Variants in NEURL1 observed in about 807,000 individuals in gnomAD.
The protein encoded by NEURL1 is E3 ubiquitin-protein ligase NEURL1.
In NEURL1, 26 loss-of-function variants were observed where a neutral mutation model predicts 41.2. The observed-to-expected ratio is 0.63, with a 90% CI of 0.46 to 0.87. The LOEUF is 0.87. NEURL1 is among the 40% of genes least tolerant of loss of function. NEURL1 has a pLI of 0.00. For missense variants in NEURL1, 761 were observed against 871.1 expected (o/e 0.87, Z 1.59); for synonymous variants, 400 against 402.3 (o/e 0.99, Z 0.07).
intron 1 of NEURL1, among the ~76,000 whole-genome samples, chr10:103,523,318 G>T (rs143514936): frequency 0.013 from 1,962 of 151,984 alleles, 34 homozygotes; most frequent in African/African-American, 0.044. Context: ...TTGCCAGGAA[G>T]GTTGGCACAT....
intron 1 of NEURL1, among the ~76,000 whole-genome samples, chr10:103,527,640 G>C (rs558873450): frequency 6.6e-6 from 1 of 152,184 alleles, no homozygotes; most frequent in South Asian, 2.1e-4. Context: ...CTTGTATCTT[G>C]TGATTCCCTA....
At chr10:103,522,242 G>A (rs532518575) in intron 1 of NEURL1, among the ~76,000 whole-genome samples, 30 of 152,114 alleles carry the variant, frequency 2.0e-4, no homozygotes, top group Admixed American at 7.2e-4. Context: ...ATGATGGCTT[G>A]GCTTGGGCTC....
In NEURL1 at chr10:103,505,892, G is replaced by A. The variant is rs141863252; in HGVS notation, c.85+11420G>A. Among the ~76,000 whole-genome samples the A allele has an allele frequency of 1.3e-3, 200 of 152,344 alleles. 1 individual carries two copies. Among genetic ancestry groups the A allele is most frequent in the African/African-American group, 4.7e-3 (194 of 41,572 alleles). ...TAAGTAGCTGCTTCCTTGCCTCTCA[G>A]AGGTGTCCCACCCGCTTCTCACTCA... is the stretch of plus-strand genomic sequence containing the variant. On this transcript the variant is annotated intron_variant, in intron 1 of 5. Coordinates refer to ENST00000369780, the MANE Select transcript of NEURL1 (RefSeq NM_004210.5).
At chr10:103,533,726 CG>C (rs1453402293) in intron 1 of NEURL1, among the ~76,000 whole-genome samples, 2 of 152,130 alleles carry the variant, frequency 1.3e-5, no homozygotes, top group Non-Finnish European at 2.9e-5. Flanking sequence ...TTAGTAGAGA[CG>C]GGGTTTCACC....
chr10:103,529,173 T>C (rs1464697600), intron 1 of NEURL1, among the ~76,000 whole-genome samples: 2 of 152,256 alleles, frequency 1.3e-5, no homozygotes, highest in Admixed American at 6.5e-5. Context: ...AAATAAGCTT[T>C]AGTCTTATTA....
At chr10:103,506,739 T>C (rs1245466464) in intron 1 of NEURL1, among the ~76,000 whole-genome samples, 3 of 152,166 alleles carry the variant, frequency 2.0e-5, no homozygotes, top group African/African-American at 7.2e-5. Flanking sequence ...TTTGTATTTT[T>C]AGTAGAGACA....
intron 1 of NEURL1, among the ~76,000 whole-genome samples, chr10:103,553,871 C>T (rs555798613): frequency 5.6e-4 from 86 of 152,342 alleles, no homozygotes; most frequent in African/African-American, 1.9e-3. Context: ...GTGTCCAGGC[C>T]AGGGCCAGGG....
At chr10:103,542,263 T>C (rs1408887890) in intron 1 of NEURL1, among the ~76,000 whole-genome samples, 1 of 152,144 alleles carries the variant, frequency 6.6e-6, no homozygotes, top group East Asian at 1.9e-4. Context: ...GTAATTGTTT[T>C]TGTTTTTGGT....
At chr10:103,524,506 TA>T (rs1452328973) in intron 1 of NEURL1, among the ~76,000 whole-genome samples, 1 of 152,260 alleles carries the variant, frequency 6.6e-6, no homozygotes. Flanking sequence ...GTTTTCTTTA[TA>T]AAATCTTTGC....
intron 1 of NEURL1, among the ~76,000 whole-genome samples, chr10:103,546,293 T>A (rs1428938094): frequency 6.6e-6 from 1 of 152,238 alleles, no homozygotes; most frequent in African/African-American, 2.4e-5. Context: ...GCCTGCACTC[T>A]TGAGTCTGAA....
chr10:103,513,359 T>A (rs771930460), intron 1 of NEURL1, among the ~76,000 whole-genome samples: 1 of 152,202 alleles, frequency 6.6e-6, no homozygotes, highest in African/African-American at 2.4e-5. Context: ...GTAGTTCCCT[T>A]ATTTGGAATG....
chr10:103,558,331 C>A lies in NEURL1; in HGVS notation c.86-12541C>A, dbSNP rs552770801. 2 of 858,258 alleles carry A rather than the reference C, an allele frequency of 2.3e-6. No individual in the cohort carries two copies. Among genetic ancestry groups the A allele is most frequent in the African/African-American group, 3.7e-5 (2 of 54,618 alleles). 53.2% of individuals were successfully genotyped at this position (858,258 alleles called of 1,614,324 possible). ...TCTAATTGTGTGTTTTGTTTGTGGACGTGTTTTGGCTCTCTGAGCTTCTGA... is the reference window on the plus strand; with the variant it reads ...TCTAATTGTGTGTTTTGTTTGTGGAAGTGTTTTGGCTCTCTGAGCTTCTGA... On this transcript the variant is annotated intron_variant, in intron 1 of 5. Transcript: ENST00000369780. This position sits in a 1 kb window ranked among gnomAD's most constrained non-coding sequence, Gnocchi z 4.2.
chr10:103,533,524 G>A (rs957682914), intron 1 of NEURL1, among the ~76,000 whole-genome samples: 2 of 148,462 alleles, frequency 1.3e-5, no homozygotes, highest in African/African-American at 5.0e-5. Context: ...CATAAGCCAC[G>A]ATGCCGGACT....
At position 103,584,821 on chromosome 10, in the gene NEURL1, C is replaced by A; in HGVS notation, c.935C>A (p.Thr312Lys). ...CACGTCCGCATCCTCGACGAGCAGACGGTGGCGCGCGTGGAGCACGGGCGC... is the reference window on the plus strand; with the variant it reads ...CACGTCCGCATCCTCGACGAGCAGAAGGTGGCGCGCGTGGAGCACGGGCGC... ...GAHVRILDEQ[T>K]VARVEHGRDE... The change falls in exon 4 of 6, where the codon ACG (threonine) becomes AAG (lysine). Residue 312 changes from threonine to lysine, a missense_variant. By Grantham distance (78) the Thr-to-Lys change is moderately conservative. Coordinates refer to ENST00000369780, the MANE Select transcript of NEURL1 (RefSeq NM_004210.5). 1.4e-6 allele frequency: 2 copies of A among 1,418,112 alleles called. No homozygotes were observed. The highest frequency in any genetic ancestry group is 1.8e-6 in the Non-Finnish European group (2 of 1,093,892). The allele number at this position is 1,418,112 out of a possible 1,614,324, so 87.8% of individuals were successfully genotyped here.
intron 3 of NEURL1, among the ~76,000 whole-genome samples, chr10:103,572,695 C>T (rs7067666): frequency 0.56 from 84,676 of 152,070 alleles, 24,141 homozygotes; most frequent in African/African-American, 0.66. Flanking sequence ...GGATCCTTCC[C>T]ACCTGGCTCT....
At chr10:103,583,360 T>A (rs981325877) in intron 3 of NEURL1, among the ~76,000 whole-genome samples, 3 of 152,128 alleles carry the variant, frequency 2.0e-5, no homozygotes, top group African/African-American at 7.2e-5. Flanking sequence ...CAAAGTGATG[T>A]AGTACATATA....
chr10:103,554,111 C>A (rs1486057705), intron 1 of NEURL1, among the ~76,000 whole-genome samples: 1 of 152,250 alleles, frequency 6.6e-6, no homozygotes, highest in African/African-American at 2.4e-5. Context: ...CATTGCATGG[C>A]AGCTGCTCTC....
chr10:103,574,714 GA>G (rs2035621027), intron 3 of NEURL1, among the ~76,000 whole-genome samples: 1 of 152,194 alleles, frequency 6.6e-6, no homozygotes, highest in African/African-American at 2.4e-5. Context: ...AGGGCTTGGA[GA>G]ATAATCTGAA....
intron 3 of NEURL1, among the ~76,000 whole-genome samples, chr10:103,572,529 G>A (rs2035571615): frequency 6.6e-6 from 1 of 152,238 alleles, no homozygotes; most frequent in Admixed American, 6.5e-5. Flanking sequence ...GAGGAGCCTC[G>A]GGAAGCAGCC....
Sources: gnomAD v4.1 joint callset for allele counts (sites outside exome capture counted in the v4.1 genomes callset) on GRCh38, gnomAD v4.1.1 for gene constraint, Gnocchi (gnomAD v3.1) non-coding constraint, MANE v1.5 for transcripts, NCBI Gene and HGNC (gene_info 2026-07-23, HGNC 2026-07-21) for gene names.